Variants in COL23A1 observed in about 807,000 individuals in gnomAD.
COL23A1 encodes the protein collagen alpha-1(XXIII) chain.
COL23A1 carries 97 observed loss-of-function variants against 99.3 expected under a neutral mutation model. The ratio of observed to expected loss-of-function variants is 0.98; its 90% CI spans 0.83 to 1.16. The LOEUF (loss-of-function observed/expected upper bound fraction) is 1.16. COL23A1 is among the 50% of genes most tolerant of loss of function. The pLI, the probability that COL23A1 is intolerant of heterozygous loss-of-function variation, is 0.00. For missense variants in COL23A1, 762 were observed against 757.4 expected (o/e 1.01, Z -0.07); for synonymous variants, 320 against 308.2 (o/e 1.04, Z -0.40).
intron 21 of COL23A1, 29 bp downstream of exon 21, chr5:178,247,746 C>T (rs1764782513): frequency 1.2e-6 from 2 of 1,611,234 alleles, no homozygotes; most frequent in Admixed American, 1.7e-5. Flanking sequence ...CTGGCTGCTT[C>T]AAACCAAACC....
At chr5:178,253,363 C>T (rs1025884039) in intron 16 of COL23A1, among the ~76,000 whole-genome samples, 1 of 151,992 alleles carries the variant, frequency 6.6e-6, no homozygotes. Context: ...CTACCCTCCC[C>T]CAGGCCCAGG....
intron 2 of COL23A1, among the ~76,000 whole-genome samples, chr5:178,514,808 A>G (rs956475173): frequency 4.6e-5 from 7 of 152,182 alleles, no homozygotes; most frequent in Admixed American, 2.6e-4. Context: ...CAGAATCCCA[A>G]TTCTTCATAG....
At position 178,415,377 on chromosome 5, in the gene COL23A1, C is replaced by T. The variant is rs977108261; in HGVS notation, c.362-108458G>A. Among the ~76,000 whole-genome samples, 2 of 152,144 alleles carry T rather than the reference C, an allele frequency of 1.3e-5. No individual in the cohort carries two copies. The highest frequency in any genetic ancestry group is 2.1e-4 in the South Asian group (1 of 4,832). ...AACACTGTGCTCCAAATCAGTCGAA[C>T]GTCTAAAAACCGTCCTGCCCCCCAC... On this transcript the variant is annotated intron_variant, in intron 2 of 28. Transcript: ENST00000390654. The surrounding 1 kb of genome is among the most constrained non-coding windows in gnomAD (Gnocchi z 4.6).
At chr5:178,274,578 G>T (rs996809754) in intron 5 of COL23A1, among the ~76,000 whole-genome samples, 1 of 143,798 alleles carries the variant, frequency 7.0e-6, no homozygotes, top group East Asian at 1.9e-4. Flanking sequence ...GGCTGGGTGT[G>T]GGGGGGGTCT....
At chr5:178,375,561 C>T (rs923049610) in intron 2 of COL23A1, among the ~76,000 whole-genome samples, 7 of 152,238 alleles carry the variant, frequency 4.6e-5, no homozygotes, top group Admixed American at 1.3e-4. Flanking sequence ...CCTGCCCCTC[C>T]GACAGCCTCG....
At position 178,280,905 on chromosome 5, in the gene COL23A1, A is replaced by C. The variant is rs1055429287; in HGVS notation, c.441+7419T>G. 3.3e-5 allele frequency among the ~76,000 whole-genome samples: 5 copies of C among 152,194 alleles called. No homozygotes were observed. The highest frequency in any genetic ancestry group is 1.2e-4 in the African/African-American group (5 of 41,456). On this transcript the variant is annotated intron_variant, in intron 5 of 28. Transcript: ENST00000390654. The surrounding 1 kb of genome is among the most constrained non-coding windows in gnomAD (Gnocchi z 4.9). ...AGGGCGGAGCAGCAGCTCGGGCCCC[A>C]CTGACCTGGGGTGGCCGCCTCCTGT...
Position 178,253,477 on chromosome 5 carries a change from ATTTTTTATTTT to A in COL23A1, c.961-891_961-881del, listed in dbSNP as rs557244721. On this transcript the variant is annotated intron_variant, in intron 16 of 28. Coordinates refer to ENST00000390654, the MANE Select transcript of COL23A1 (RefSeq NM_173465.4). ...GCTAGCCTTCCCCCAATATGTTTTT[ATTTTTTATTTT>A]TTTTTTATTTTTGAGATGGAGTCTC... is the stretch of plus-strand genomic sequence containing the variant. 3.7e-4 allele frequency among the ~76,000 whole-genome samples: 56 copies of A among 151,514 alleles called. 2 individuals are homozygous for A. Among genetic ancestry groups the A allele is most frequent in the South Asian group, 6.3e-4 (3 of 4,778 alleles).
chr5:178,463,708 TG>T, intron 2 of COL23A1, among the ~76,000 whole-genome samples: 1 of 152,228 alleles, frequency 6.6e-6, no homozygotes, highest in South Asian at 2.1e-4. Context: ...ATGTGCACGG[TG>T]GCCCCCAGCC....
At chr5:178,263,416 C>T (rs1765745267) in intron 8 of COL23A1, 92 bp from the exon 9 acceptor site, 14 of 768,296 alleles carry the variant, frequency 1.8e-5, no homozygotes, top group Admixed American at 5.6e-5. Flanking sequence ...CACGCCATCC[C>T]CTTCCCCAGC....
intron 2 of COL23A1, among the ~76,000 whole-genome samples, chr5:178,426,043 A>G (rs1765916188): frequency 6.6e-6 from 1 of 152,148 alleles, no homozygotes; most frequent in Non-Finnish European, 1.5e-5. Flanking sequence ...GGGGCAACCA[A>G]AGGGGCTCAC....
chr5:178,462,488 C>G (rs1225306024), intron 2 of COL23A1, among the ~76,000 whole-genome samples: 1 of 152,098 alleles, frequency 6.6e-6, no homozygotes, highest in African/African-American at 2.4e-5. Context: ...TCAGGCACAA[C>G]AAGAGGAAGC....
intron 2 of COL23A1, among the ~76,000 whole-genome samples, chr5:178,324,762 G>T (rs890812): frequency 6.6e-6 from 1 of 151,990 alleles, no homozygotes; most frequent in Non-Finnish European, 1.5e-5. Flanking sequence ...GAAATGGGTC[G>T]AATGGCCAGA....
At chr5:178,535,721 G>T (rs1259492878) in intron 2 of COL23A1, among the ~76,000 whole-genome samples, 1 of 152,250 alleles carries the variant, frequency 6.6e-6, no homozygotes, top group Non-Finnish European at 1.5e-5. Context: ...TCTGAAGGGC[G>T]CCGTGTGCCC....
intron 2 of COL23A1, among the ~76,000 whole-genome samples, chr5:178,472,190 C>T (rs1158528753): frequency 1.3e-5 from 2 of 152,140 alleles, no homozygotes; most frequent in South Asian, 2.1e-4. Flanking sequence ...GGACTGCAGG[C>T]GCTGAAGAGA....
At chr5:178,494,988 A>G (rs1317579824) in intron 2 of COL23A1, among the ~76,000 whole-genome samples, 4 of 152,196 alleles carry the variant, frequency 2.6e-5, no homozygotes, top group East Asian at 3.9e-4. Context: ...TTCAGCCCCA[A>G]TAATGACATG....
At chr5:178,323,748 G>A (rs1429074721) in intron 2 of COL23A1, among the ~76,000 whole-genome samples, 1 of 152,160 alleles carries the variant, frequency 6.6e-6, no homozygotes, top group Non-Finnish European at 1.5e-5. Flanking sequence ...AGGGAGCAGG[G>A]AGGTGGCTCC....
At chr5:178,584,390 C>T (rs970385850) in intron 1 of COL23A1, among the ~76,000 whole-genome samples, 5 of 151,232 alleles carry the variant, frequency 3.3e-5, no homozygotes, top group African/African-American at 7.3e-5. Flanking sequence ...TAAATAGAGA[C>T]GAGGTCTTGC....
chr5:178,305,499 C>G (rs534324797), intron 3 of COL23A1, among the ~76,000 whole-genome samples: 1 of 152,330 alleles, frequency 6.6e-6, no homozygotes, highest in East Asian at 1.9e-4. Context: ...GGCATTCATT[C>G]GTTCGCTGTT....
chr5:178,344,763 T>C, intron 2 of COL23A1: 1 of 472,638 alleles, frequency 2.1e-6, no homozygotes, highest in Non-Finnish European at 4.0e-6. Context: ...GGGCCTACTG[T>C]ATGCCCGTTG....
Sources: gnomAD v4.1 joint callset for allele counts (sites outside exome capture counted in the v4.1 genomes callset) on GRCh38, gnomAD v4.1.1 for gene constraint, Gnocchi (gnomAD v3.1) non-coding constraint, MANE v1.5 for transcripts, NCBI Gene and HGNC (gene_info 2026-07-23, HGNC 2026-07-21) for gene names.